Variants in RNF20 observed in about 807,000 individuals in gnomAD.
RNF20 encodes E3 ubiquitin-protein ligase BRE1A.
RNF20 carries 84 observed loss-of-function variants against 126.2 expected under a neutral mutation model. The ratio of observed to expected loss-of-function variants is 0.67; its 90% confidence interval spans 0.56 to 0.80. RNF20 has a LOEUF of 0.80. RNF20 is among the 30% of genes least tolerant of loss of function. The pLI is 0.00. For missense variants in RNF20, 869 were observed against 1,188.2 expected (o/e 0.73, Z 3.95); for synonymous variants, 400 against 414.3 (o/e 0.97, Z 0.42).
intron 5 of RNF20, among the ~76,000 whole-genome samples, chr9:101,542,598 A>G (rs760105374): frequency 1.3e-5 from 2 of 152,194 alleles, no homozygotes; most frequent in Non-Finnish European, 2.9e-5. Flanking sequence ...TTGTGTGTGC[A>G]CATATGCTTC....
In RNF20 at chr9:101,540,676, T is replaced by C. The variant is rs7037267; in HGVS notation, c.445+39T>C. On this transcript the variant is annotated intron_variant, in intron 4 of 19. Coordinates refer to ENST00000389120, the MANE Select transcript of RNF20 (RefSeq NM_019592.7). The stretch of plus-strand genomic sequence containing the variant: ...ATGGATTCTATCACTGCATGCTATC[T>C]GGGTTTTTAAAGTAGAGCTCTGCTT... The C allele has an allele frequency of 3.2e-3, 5,089 of 1,609,186 alleles. 106 individuals are homozygous for C. In the African/African-American group the frequency reaches 0.051, roughly 16 times the overall value.
At position 101,540,221 on chromosome 9, in the gene RNF20, A is replaced by G. The variant is rs1827237604; in HGVS notation, c.148A>G (p.Thr50Ala). The change falls in exon 3 of 20, where the codon ACA becomes GCA. Residue 50 changes from threonine (T) to alanine (A), a missense_variant. By Grantham distance (58) the Thr-to-Ala change is moderately conservative. Coordinates refer to ENST00000389120, the MANE Select transcript of RNF20 (RefSeq NM_019592.7). ...VSSTEELDIR[T>A]LQTKNRKLAE... is the part of the protein sequence containing the mutation. ...TGGGCAGGAGGAACTAGACATTAGAACACTGCAAACCAAAAATCGCAAGCT... is the reference window on the plus strand; with the variant it reads ...TGGGCAGGAGGAACTAGACATTAGAGCACTGCAAACCAAAAATCGCAAGCT... The G allele has an allele frequency of 6.2e-7, 1 of 1,614,174 alleles. No individual in the cohort carries two copies. The highest frequency in any genetic ancestry group is 2.2e-5 in the East Asian group (1 of 44,876).
chr9:101,543,730 G>C (rs962986776), intron 5 of RNF20, among the ~76,000 whole-genome samples: 1 of 152,178 alleles, frequency 6.6e-6, no homozygotes, highest in African/African-American at 2.4e-5. Context: ...TTGTATTCTA[G>C]CCCTGTCCTC....
At chr9:101,546,700 A>G in intron 6 of RNF20, 120 bp from the exon 7 acceptor site, 2 of 913,750 alleles carry the variant, frequency 2.2e-6, no homozygotes, top group Non-Finnish European at 3.3e-6. Context: ...ATGCATTGGG[A>G]AGAGGGTGAA....
At chr9:101,561,676 A>G (rs1343251008) in intron 18 of RNF20, among the ~76,000 whole-genome samples, 1 of 152,230 alleles carries the variant, frequency 6.6e-6, no homozygotes, top group African/African-American at 2.4e-5. Context: ...GTGTTTTCAC[A>G]GGACTGAATT....
rs1403835457 is a variant in RNF20, at chr9:101,554,727, G to T, written c.2053G>T (p.Glu685Ter). Residue 685 changes from glutamate to a stop codon, truncating the protein, a stop_gained, in exon 15 of 20, where the codon GAA becomes TAA. Transcript: ENST00000389120. LOFTEE classifies it high-confidence loss of function. ...TCTAAGGCAAAGACTCAAGGATCTGGAAGATAAAGAGAAGAAAGAGAACAA... is the reference window on the plus strand; with the variant it reads ...TCTAAGGCAAAGACTCAAGGATCTGTAAGATAAAGAGAAGAAAGAGAACAA... ...EDLRQRLKDL[E>*]DKEKKENKKM... 1 of 1,609,978 alleles carries T rather than the reference G, an allele frequency of 6.2e-7. No homozygotes were observed. The highest frequency in any genetic ancestry group is 8.5e-7 in the Non-Finnish European group (1 of 1,177,376).
rs146171216 is a variant in RNF20, at chr9:101,538,169, A to G, written c.130-2034A>G. Among the ~76,000 whole-genome samples, 354 of 152,302 alleles carry G rather than the reference A, an allele frequency of 2.3e-3. 3 individuals are homozygous for G. The highest frequency in any genetic ancestry group is 8.1e-3 in the African/African-American group (337 of 41,564). ...GAATGAGGTGTTTGAAATTGAGCTT[A>G]TAGAGGACATGTAGGTACAAGTAAG... is the stretch of plus-strand genomic sequence containing the variant. On this transcript the variant is annotated intron_variant, in intron 2 of 19. Transcript: ENST00000389120.
At chr9:101,553,649 T>G (rs10989553) in intron 13 of RNF20, among the ~76,000 whole-genome samples, 24,059 of 152,016 alleles carry the variant, frequency 0.16, 2,180 homozygotes, top group East Asian at 0.24. Flanking sequence ...CTTGTTTAAA[T>G]TTTTGAACTC....
intron 16 of RNF20, among the ~76,000 whole-genome samples, chr9:101,559,171 T>C (rs1315541764): frequency 6.6e-6 from 1 of 152,174 alleles, no homozygotes; most frequent in Non-Finnish European, 1.5e-5. Context: ...CTTCCCACTT[T>C]ATGTTTTTGT....
chr9:101,553,053 A>G (rs1213719004), intron 13 of RNF20, among the ~76,000 whole-genome samples: 2 of 152,208 alleles, frequency 1.3e-5, no homozygotes, highest in South Asian at 2.1e-4. Context: ...TTGGGAATTA[A>G]CTACTGCTCT....
In RNF20 at chr9:101,535,518, TG is replaced by T; in HGVS notation, c.97del (p.Glu33LysfsTer5). 1 of 1,613,644 alleles carries T rather than the reference TG, an allele frequency of 6.2e-7. No individual in the cohort carries two copies. The highest frequency in any genetic ancestry group is 8.5e-7 in the Non-Finnish European group (1 of 1,179,768). On this transcript the variant is annotated frameshift_variant, in exon 2 of 20. Transcript: ENST00000389120. LOFTEE classifies it high-confidence loss of function. The part of the protein sequence containing the change: ...KAAVEDSGTT[V>X]ETIKLGGVSS... ...GCTGTTGAAGATTCAGGGACCACAG[TG>T]GAAACAATTAAGCTAGGAGGTGTCT...
chr9:101,562,830 T>C lies in RNF20; in HGVS notation c.*408T>C, dbSNP rs1827648360. 1 of 155,610 alleles carries C rather than the reference T, an allele frequency of 6.4e-6. No individual in the cohort carries two copies. The highest frequency in any genetic ancestry group is 1.4e-5 in the Non-Finnish European group (1 of 70,162). The allele number at this position is 155,610 out of a possible 1,614,324, so 9.6% of individuals were successfully genotyped here. ...ATGGCTACTTTTGGGGAGTGATATT[T>C]TAAAAAATAAGTTGTCTATGGGCAC... On this transcript the variant is annotated 3_prime_UTR_variant, in exon 20 of 20. Transcript: ENST00000389120.
intron 15 of RNF20, 91 bp downstream of exon 15, chr9:101,554,934 T>C: frequency 9.9e-7 from 1 of 1,007,826 alleles, no homozygotes; most frequent in Non-Finnish European, 1.3e-6. Context: ...TTTATTTTGG[T>C]CTTTTTTTGA....
At chr9:101,561,623 A>G (rs1417184641) in intron 18 of RNF20, among the ~76,000 whole-genome samples, 2 of 152,186 alleles carry the variant, frequency 1.3e-5, no homozygotes, top group Non-Finnish European at 2.9e-5. Flanking sequence ...GCTTAAAACT[A>G]ATTACTATAA....
intron 18 of RNF20, 29 bp downstream of exon 18, chr9:101,561,259 T>C: frequency 6.2e-7 from 1 of 1,608,610 alleles, no homozygotes. Context: ...TCTTGTCACC[T>C]TTTAGGTGTT....
At chr9:101,549,496 C>T (rs1827407154) in intron 9 of RNF20, among the ~76,000 whole-genome samples, 1 of 152,104 alleles carries the variant, frequency 6.6e-6, no homozygotes, top group South Asian at 2.1e-4. Context: ...GTTAGGCCTC[C>T]GGATAACGGC....
chr9:101,547,194 A>G lies in RNF20; in HGVS notation c.952A>G (p.Ile318Val), dbSNP rs778286043. ...GAGSSLYGGT[I>V]TINARKFEEM... is the part of the protein sequence containing the mutation. ...GGGGAGCAGTCTGTATGGCGGCACA[A>G]TCACTATCAATGCTCGGAAGGTAAA... The change falls in exon 8 of 20, where the codon ATC becomes GTC. Residue 318 changes from isoleucine to valine, a missense_variant. Ile to Val is a conservative substitution (Grantham distance 29, BLOSUM62 3). This residue lies in a region of RNF20 where 153 missense variants were observed against 226.4 expected (regional missense o/e 0.68). Coordinates refer to ENST00000389120, the MANE Select transcript of RNF20 (RefSeq NM_019592.7). 2 of 1,614,130 alleles carry G rather than the reference A, an allele frequency of 1.2e-6. No homozygotes were observed. The highest frequency in any genetic ancestry group is 1.7e-6 in the Non-Finnish European group (2 of 1,180,004).
At chr9:101,541,575 A>T (rs970889065) in intron 5 of RNF20, among the ~76,000 whole-genome samples, 1 of 152,194 alleles carries the variant, frequency 6.6e-6, no homozygotes, top group Non-Finnish European at 1.5e-5. Flanking sequence ...TTATTATTTA[A>T]TAAACAGCTC....
intron 9 of RNF20, among the ~76,000 whole-genome samples, chr9:101,549,008 G>T (rs1053425031): frequency 3.9e-5 from 6 of 152,218 alleles, no homozygotes; most frequent in African/African-American, 1.4e-4. Context: ...CTGCCCAGAA[G>T]AATTTTCTTC....
Sources: allele counts gnomAD v4.1 joint callset (sites outside exome capture counted in the v4.1 genomes callset), GRCh38; gene constraint gnomAD v4.1.1; regional missense constraint gnomAD v4.1.1; transcripts MANE v1.5; gene names NCBI Gene and HGNC (gene_info 2026-07-23, HGNC 2026-07-21).